ATP8A2: variants seen among roughly 807,000 people sequenced by gnomAD.
ATP8A2 encodes the protein ATPase phospholipid transporting 8A2.
Under a neutral mutation model 165.6 loss-of-function variants are expected in ATP8A2, and 100 were observed. That is an observed-to-expected ratio of 0.60 (90% confidence interval 0.51 to 0.71). The LOEUF (loss-of-function observed/expected upper bound fraction) is 0.71, where lower values mean the gene tolerates loss of function less well. Ranked by LOEUF, ATP8A2 falls within the 30% of genes least tolerant of loss-of-function variation. ATP8A2 has a pLI of 0.00. For synonymous variants in ATP8A2, 543 were observed against 548.8 expected (o/e 0.99, Z 0.15); for missense variants, 1,227 against 1,479.5 (o/e 0.83, Z 2.80).
intron 4 of ATP8A2, among the ~76,000 whole-genome samples, chr13:25,531,320 TATATG>T (rs1242121536): frequency 8.3e-4 from 106 of 128,462 alleles, no homozygotes; most frequent in African/African-American, 2.8e-3. Flanking sequence ...ATATATGTTA[TATATG>T]ATATATATAT....
chr13:25,761,724 ATTTG>A (rs2044383072), intron 25 of ATP8A2, among the ~76,000 whole-genome samples: 1 of 151,496 alleles, frequency 6.6e-6, no homozygotes, highest in Non-Finnish European at 1.5e-5. Context: ...AATATAAATA[ATTTG>A]TTTGGATGAT....
At chr13:25,492,819 G>A (rs1453779103) in intron 2 of ATP8A2, among the ~76,000 whole-genome samples, 1 of 152,180 alleles carries the variant, frequency 6.6e-6, no homozygotes. Flanking sequence ...CCTGCTGTTT[G>A]GAGTGTCTGA....
Position 25,402,440 on chromosome 13 carries a change from G to A in ATP8A2, c.76+30152G>A, listed in dbSNP as rs74755099. Reference sequence around the variant, plus strand: ...TGAGTATCTTTCTGCATGGATGAAAGGGCAGGATGATTTTAAAGGTCCTTT... The same window carrying A: ...TGAGTATCTTTCTGCATGGATGAAAAGGCAGGATGATTTTAAAGGTCCTTT... On this transcript the variant is annotated intron_variant, in intron 1 of 36. Coordinates refer to ENST00000381655, the MANE Select transcript of ATP8A2 (RefSeq NM_016529.6). 9.5e-3 allele frequency among the ~76,000 whole-genome samples: 1,452 copies of A among 152,244 alleles called. 20 individuals are homozygous for A. Among genetic ancestry groups the A allele is most frequent in the African/African-American group, 0.032 (1,339 of 41,546 alleles).
At chr13:25,507,245 GTGTGTGTGTGTGTGTGTGTA>G (rs368813983) in intron 2 of ATP8A2, among the ~76,000 whole-genome samples, 8,606 of 95,180 alleles carry the variant, frequency 0.09, 336 homozygotes, top group South Asian at 0.18. Context: ...GTGTGTGTGT[GTGTGTGTGTGTGTGTGTGTA>G]TTTTGTTGTT....
chr13:25,805,869 T>C (rs1950722080), intron 27 of ATP8A2, among the ~76,000 whole-genome samples: 1 of 152,208 alleles, frequency 6.6e-6, no homozygotes, highest in Non-Finnish European at 1.5e-5. Context: ...TATAGTTTTT[T>C]TTTCTGGACT....
chr13:25,803,117 A>G (rs1593370824), intron 27 of ATP8A2, among the ~76,000 whole-genome samples: 1 of 152,092 alleles, frequency 6.6e-6, no homozygotes, highest in Admixed American at 6.6e-5. Flanking sequence ...AATCACATTG[A>G]CACTCTGTGG....
At chr13:25,904,802 C>T (rs1953881428) in intron 33 of ATP8A2, among the ~76,000 whole-genome samples, 1 of 152,154 alleles carries the variant, frequency 6.6e-6, no homozygotes, top group African/African-American at 2.4e-5. Context: ...ACTCTGAGCA[C>T]CTGAAGGATA....
chr13:25,519,927 T>A (rs1345762060), intron 2 of ATP8A2, among the ~76,000 whole-genome samples: 1 of 152,250 alleles, frequency 6.6e-6, no homozygotes, highest in Non-Finnish European at 1.5e-5. Flanking sequence ...AGTTGCTACA[T>A]AATAGTTGTA....
chr13:25,697,268 T>TTTG (rs34413425), intron 24 of ATP8A2, among the ~76,000 whole-genome samples: 45,168 of 150,912 alleles, frequency 0.3, 7,102 homozygotes, highest in South Asian at 0.47. Flanking sequence ...GGAAAATTCT[T>TTTG]TTGTTGTTGT....
At chr13:25,414,938 C>T (rs1310842652) in intron 1 of ATP8A2, among the ~76,000 whole-genome samples, 3 of 152,166 alleles carry the variant, frequency 2.0e-5, no homozygotes, top group Non-Finnish European at 4.4e-5. Context: ...AGAGCAGGTG[C>T]TGGGTAAATA....
intron 27 of ATP8A2, among the ~76,000 whole-genome samples, chr13:25,805,284 A>G (rs903707793): frequency 1.3e-5 from 2 of 151,978 alleles, no homozygotes; most frequent in African/African-American, 4.8e-5. Flanking sequence ...TGGGGTGGAC[A>G]TATCACTTGA....
chr13:25,591,891 C>G (rs1039832521), intron 24 of ATP8A2, among the ~76,000 whole-genome samples: 2 of 152,150 alleles, frequency 1.3e-5, no homozygotes, highest in Admixed American at 6.6e-5. Context: ...TTTTTGGGGA[C>G]ATATACCCAG....
At chr13:25,958,901 CTG>C (rs1292167259) in intron 33 of ATP8A2, among the ~76,000 whole-genome samples, 1 of 152,158 alleles carries the variant, frequency 6.6e-6, no homozygotes, top group Non-Finnish European at 1.5e-5. Context: ...GTTTCATAAT[CTG>C]TTTCTTATTG....
At chr13:25,547,308 CTAG>C (rs1387631172) in intron 10 of ATP8A2, among the ~76,000 whole-genome samples, 1 of 151,898 alleles carries the variant, frequency 6.6e-6, no homozygotes, top group Non-Finnish European at 1.5e-5. Flanking sequence ...GGCAAGCAAG[CTAG>C]TGAAGCTTCA....
intron 24 of ATP8A2, among the ~76,000 whole-genome samples, chr13:25,664,616 G>A (rs2042113165): frequency 6.6e-6 from 1 of 152,214 alleles, no homozygotes; most frequent in African/African-American, 2.4e-5. Context: ...GCCAGATGAA[G>A]TCTGATGGGT....
chr13:25,568,486 G>A lies in ATP8A2; in HGVS notation c.1474-2281G>A, dbSNP rs576564156. ...TTCATTTCTAGATATATGGCATTTT[G>A]TACATATTATAAGCTGTTAACTGAA... On this transcript the variant is annotated intron_variant, in intron 16 of 36. Transcript: ENST00000381655. Among the ~76,000 whole-genome samples the A allele has an allele frequency of 1.4e-3, 211 of 152,224 alleles. 1 individual carries two copies. Among genetic ancestry groups the A allele is most frequent in the African/African-American group, 5.0e-3 (206 of 41,534 alleles).
At chr13:25,433,705 G>A (rs1381550082) in intron 1 of ATP8A2, among the ~76,000 whole-genome samples, 1 of 152,190 alleles carries the variant, frequency 6.6e-6, no homozygotes, top group African/African-American at 2.4e-5. Context: ...TCTGTTCACA[G>A]TAGCAAAGTC....
At position 25,739,484 on chromosome 13, in the gene ATP8A2, C is replaced by T. The variant is rs114067907; in HGVS notation, c.2385-29562C>T. Among the ~76,000 whole-genome samples, 1,087 of 152,174 alleles carry T rather than the reference C, an allele frequency of 7.1e-3. 14 individuals carry two copies. Among genetic ancestry groups the T allele is most frequent in the African/African-American group, 0.025 (1,019 of 41,530 alleles). ...AGAGAAGAGAGCAGTCTTAATATAA[C>T]GTAGAGGGAGGTTTTCTCTTTTTAT... On this transcript the variant is annotated intron_variant, in intron 25 of 36. Transcript: ENST00000381655.
chr13:26,017,565 A>G lies in ATP8A2; in HGVS notation c.3470-2323A>G, dbSNP rs960365320. 2.6e-5 allele frequency among the ~76,000 whole-genome samples: 4 copies of G among 152,258 alleles called. No individual in the cohort carries two copies. In the East Asian group the frequency reaches 5.8e-4, roughly 22 times the overall value. On this transcript the variant is annotated intron_variant, in intron 36 of 36. Coordinates refer to ENST00000381655, the MANE Select transcript of ATP8A2 (RefSeq NM_016529.6). ...TGGGGCAGCTCCTCCAAAGCTGGGCAACGGAGGTTTCCTTGTCCCTGCTGC... is the reference window on the plus strand; with the variant it reads ...TGGGGCAGCTCCTCCAAAGCTGGGCGACGGAGGTTTCCTTGTCCCTGCTGC...
Sources: allele counts gnomAD v4.1 joint callset (sites outside exome capture counted in the v4.1 genomes callset), GRCh38; gene constraint gnomAD v4.1.1; transcripts MANE v1.5; gene names NCBI Gene and HGNC (gene_info 2026-07-23, HGNC 2026-07-21).